Variants in ADAM12 observed in about 807,000 individuals in gnomAD.
ADAM12 encodes ADAM metallopeptidase domain 12.
Under a neutral mutation model 106.4 loss-of-function variants are expected in ADAM12, and 70 were observed. That is an observed-to-expected ratio of 0.66 (90% CI 0.54 to 0.80). The LOEUF (loss-of-function observed/expected upper bound fraction) is 0.80. Ranked by LOEUF, ADAM12 falls within the 30% of genes least tolerant of loss-of-function variation. The pLI is 0.00. For missense variants in ADAM12, 1,010 were observed against 1,171.9 expected (o/e 0.86, Z 2.02); for synonymous variants, 420 against 433.5 (o/e 0.97, Z 0.39).
chr10:126,310,114 G>A (rs1961017316), intron 2 of ADAM12, among the ~76,000 whole-genome samples: 2 of 150,146 alleles, frequency 1.3e-5, no homozygotes, highest in Admixed American at 6.7e-5. Flanking sequence ...AGACAAGACT[G>A]AGCCACTGCA....
intron 3 of ADAM12, among the ~76,000 whole-genome samples, chr10:126,225,189 G>A (rs530453282): frequency 2.5e-4 from 38 of 152,342 alleles, no homozygotes; most frequent in South Asian, 1.2e-3. Flanking sequence ...ACCTCTGCCC[G>A]ACCCCTGGAA....
At chr10:126,110,902 T>C (rs545853615) in intron 6 of ADAM12, among the ~76,000 whole-genome samples, 18 of 152,336 alleles carry the variant, frequency 1.2e-4, no homozygotes, top group African/African-American at 4.1e-4. Context: ...TGATGACTGA[T>C]ATTGCTGGTT....
chr10:126,294,580 A>T (rs1239934826), intron 2 of ADAM12, among the ~76,000 whole-genome samples: 2 of 152,324 alleles, frequency 1.3e-5, no homozygotes, highest in East Asian at 3.9e-4. Context: ...GACTTAAATG[A>T]TGAAAAACTG....
At chr10:126,368,743 T>C (rs1590833651) in intron 1 of ADAM12, among the ~76,000 whole-genome samples, 1 of 152,120 alleles carries the variant, frequency 6.6e-6, no homozygotes, top group African/African-American at 2.4e-5. Flanking sequence ...TTTACTCATT[T>C]AGGCTAAAAT....
intron 11 of ADAM12, among the ~76,000 whole-genome samples, chr10:126,074,777 T>G (rs886127127): frequency 6.6e-6 from 1 of 152,192 alleles, no homozygotes; most frequent in Non-Finnish European, 1.5e-5. Context: ...GATGCCTCTG[T>G]TTTAAAAGGA....
chr10:126,154,114 T>A (rs371598009), intron 4 of ADAM12, among the ~76,000 whole-genome samples: 1 of 152,172 alleles, frequency 6.6e-6, no homozygotes, highest in African/African-American at 2.4e-5. Context: ...TACTTCTCTT[T>A]TTCCAAACCC....
At chr10:126,145,226 T>C (rs1010116907) in intron 4 of ADAM12, among the ~76,000 whole-genome samples, 1 of 152,176 alleles carries the variant, frequency 6.6e-6, no homozygotes, top group Admixed American at 6.5e-5. Context: ...AGTTGGGCCT[T>C]GGAGTGATGC....
At chr10:126,159,212 A>G (rs1956888856) in intron 3 of ADAM12, among the ~76,000 whole-genome samples, 1 of 148,440 alleles carries the variant, frequency 6.7e-6, no homozygotes, top group African/African-American at 2.5e-5. Context: ...CAGGAGGCTG[A>G]GGCAGGAGAA....
chr10:126,069,902 C>T (rs1343962689), intron 12 of ADAM12, among the ~76,000 whole-genome samples: 1 of 152,032 alleles, frequency 6.6e-6, no homozygotes, highest in African/African-American at 2.4e-5. Flanking sequence ...GTGATTGTAG[C>T]AGTGATGTGG....
rs1953641458 is a variant in ADAM12 at position 126,015,180 on chromosome 10, G to C, written c.*2099C>G. The C allele has an allele frequency of 6.6e-6, 1 of 152,176 alleles. No homozygotes were observed. Among genetic ancestry groups the C allele is most frequent in the Non-Finnish European group, 1.5e-5 (1 of 68,038 alleles). The allele number at this position is 152,176 out of a possible 1,614,324, so 9.4% of individuals were successfully genotyped here. A position where few individuals can be genotyped will look rare whatever the true frequency, so the allele number is the denominator to read the frequency against. ...ATTGATGACATGGCATAAGATCACAGTTTTAACCTCCTTTAATATCAAACT... is the reference window on the plus strand; with the variant it reads ...ATTGATGACATGGCATAAGATCACACTTTTAACCTCCTTTAATATCAAACT... On this transcript the variant is annotated 3_prime_UTR_variant, in exon 23 of 23. Coordinates refer to ENST00000448723, the MANE Select transcript of ADAM12 (RefSeq NM_001288973.2).
intron 2 of ADAM12, among the ~76,000 whole-genome samples, chr10:126,290,753 A>G (rs1484039163): frequency 6.6e-6 from 1 of 152,224 alleles, no homozygotes; most frequent in Non-Finnish European, 1.5e-5. Flanking sequence ...CCTATTTATG[A>G]GCCAGGCACT....
At position 126,188,871 on chromosome 10, in the gene ADAM12, G is replaced by A. The variant is rs149171221; in HGVS notation, c.261-33566C>T. Among the ~76,000 whole-genome samples the A allele has an allele frequency of 1.9e-3, 282 of 150,986 alleles. 2 individuals are homozygous for A. The highest frequency in any genetic ancestry group is 3.4e-3 in the Admixed American group (52 of 15,162). ...TCCATAATCCATTCATCTATTTGTC[G>A]CCCATCCTTCATCCTTTCATTCATC... On this transcript the variant is annotated intron_variant, in intron 3 of 22. Coordinates refer to ENST00000448723, the MANE Select transcript of ADAM12 (RefSeq NM_001288973.2).
At chr10:126,255,086 A>T (rs1349078583) in intron 3 of ADAM12, among the ~76,000 whole-genome samples, 3 of 152,104 alleles carry the variant, frequency 2.0e-5, no homozygotes, top group Non-Finnish European at 4.4e-5. Flanking sequence ...GCTTTGGGGC[A>T]TTCCTGTCGT....
intron 2 of ADAM12, among the ~76,000 whole-genome samples, chr10:126,323,596 C>T (rs1854189566): frequency 6.6e-6 from 1 of 152,232 alleles, no homozygotes; most frequent in Non-Finnish European, 1.5e-5. Context: ...TCACTCCACT[C>T]TGTGCCAAGC....
At chr10:126,252,381 C>T (rs927205603) in intron 3 of ADAM12, among the ~76,000 whole-genome samples, 6 of 152,066 alleles carry the variant, frequency 3.9e-5, no homozygotes, top group African/African-American at 4.8e-5. Context: ...GCCCATGATA[C>T]GCTGTCTGCA....
At chr10:126,274,031 G>C (rs1210733747) in intron 3 of ADAM12, among the ~76,000 whole-genome samples, 1 of 152,124 alleles carries the variant, frequency 6.6e-6, no homozygotes, top group Non-Finnish European at 1.5e-5. Flanking sequence ...TCCTTGAATT[G>C]TTTCTCACCC....
chr10:126,232,723 C>T (rs1385510694), intron 3 of ADAM12, among the ~76,000 whole-genome samples: 4 of 152,180 alleles, frequency 2.6e-5, no homozygotes, highest in African/African-American at 7.2e-5. Flanking sequence ...GGCACATGTG[C>T]AGCAAAACGA....
At chr10:126,281,881 G>C (rs1423588260) in intron 2 of ADAM12, among the ~76,000 whole-genome samples, 4 of 152,132 alleles carry the variant, frequency 2.6e-5, no homozygotes, top group Non-Finnish European at 4.4e-5. Flanking sequence ...AATTGGGAAA[G>C]TACATCCAAG....
At chr10:126,081,344 AATCC>A (rs1316543534) in intron 11 of ADAM12, among the ~76,000 whole-genome samples, 3 of 151,192 alleles carry the variant, frequency 2.0e-5, no homozygotes, top group Admixed American at 6.6e-5. Flanking sequence ...CGGGGATGGG[AATCC>A]ATCCAGATTT....
Sources: allele counts gnomAD v4.1 joint callset (sites outside exome capture counted in the v4.1 genomes callset), GRCh38; gene constraint gnomAD v4.1.1; transcripts MANE v1.5; gene names NCBI Gene and HGNC (gene_info 2026-07-23, HGNC 2026-07-21).